Variants in AFF3 observed in about 807,000 individuals in gnomAD.
AFF3 encodes ALF transcription elongation factor 3.
A neutral mutation model predicts 129.7 loss-of-function variants in AFF3; 32 were observed. That is an observed-to-expected ratio of 0.25 (90% CI 0.19 to 0.33). AFF3 has a LOEUF of 0.33. Among genes scored for constraint, AFF3 ranks in the 10% least tolerant of loss-of-function variants. AFF3 has a pLI of 1.00. For synonymous variants in AFF3, 644 were observed against 635.4 expected (o/e 1.01, Z -0.20); for missense variants, 1,373 against 1,592.0 (o/e 0.86, Z 2.34).
chr2:99,775,476 G>A (rs1022809119), intron 8 of AFF3, among the ~76,000 whole-genome samples: 1 of 152,174 alleles, frequency 6.6e-6, no homozygotes, highest in African/African-American at 2.4e-5. Context: ...AATACTGCAT[G>A]TTCTCACTTA....
intron 7 of AFF3, among the ~76,000 whole-genome samples, chr2:99,884,186 T>C (rs367935941): frequency 4.4e-4 from 67 of 152,362 alleles, no homozygotes; most frequent in African/African-American, 1.5e-3. Flanking sequence ...TTTTTGATTA[T>C]TTATTTTTAA....
intron 13 of AFF3, among the ~76,000 whole-genome samples, chr2:99,604,022 T>C (rs1339591974): frequency 1.3e-5 from 2 of 152,112 alleles, no homozygotes; most frequent in African/African-American, 2.4e-5. Flanking sequence ...TATACACTGG[T>C]AGAAGTGTAA....
chr2:99,764,422 G>A (rs554144241), intron 8 of AFF3, among the ~76,000 whole-genome samples: 8 of 152,016 alleles, frequency 5.3e-5, no homozygotes, highest in Non-Finnish European at 1.2e-4. Context: ...TCTTGTTCTC[G>A]TTTTGCATTT....
intron 7 of AFF3, among the ~76,000 whole-genome samples, chr2:99,912,399 C>G (rs1327978189): frequency 6.6e-6 from 1 of 152,176 alleles, no homozygotes. Flanking sequence ...ATATGTGCTT[C>G]CAAATACCGC....
Position 99,917,449 on chromosome 2 carries a change from A to G in AFF3, c.874-79925T>C, listed in dbSNP as rs148669388. 4.7e-3 allele frequency among the ~76,000 whole-genome samples: 719 copies of G among 152,284 alleles called. 4 individuals carry two copies. Among genetic ancestry groups the G allele is most frequent in the African/African-American group, 0.017 (696 of 41,558 alleles). ...ACTCTGCATACTCACACTAACACTT[A>G]TAACAGGGAATGTGGATTCTACCCC... On this transcript the variant is annotated intron_variant, in intron 7 of 24. Coordinates refer to ENST00000672756, the MANE Select transcript of AFF3 (RefSeq NM_001386135.1).
chr2:99,752,797 C>T (rs944513748), intron 8 of AFF3, among the ~76,000 whole-genome samples: 7 of 152,076 alleles, frequency 4.6e-5, no homozygotes, highest in Non-Finnish European at 8.8e-5. Context: ...ATGTCATTCA[C>T]GGAGAGTGAA....
intron 7 of AFF3, among the ~76,000 whole-genome samples, chr2:99,943,915 A>ATT (rs113352017): frequency 3.4e-5 from 5 of 147,544 alleles, no homozygotes; most frequent in African/African-American, 9.9e-5. Context: ...CTGTATTCCA[A>ATT]TTTTTTTTTT....
rs776541486 is a variant in AFF3, at chr2:100,105,582, A to G, written c.-143T>C. On this transcript the variant is annotated splice_region_variant and 5_prime_UTR_variant, in exon 3 of 25. Coordinates refer to ENST00000672756, the MANE Select transcript of AFF3 (RefSeq NM_001386135.1). ...CTCCGGTCTGGAAAGGCAGGTGATC[A>G]GCTAGAAGGGTGATAAGAGTATCAT... 7 of 1,333,394 alleles carry G rather than the reference A, an allele frequency of 5.2e-6. No individual in the cohort carries two copies. In the South Asian group the frequency reaches 7.4e-5, roughly 14 times the overall value. The allele number at this position is 1,333,394 out of a possible 1,614,324, so 82.6% of individuals were successfully genotyped here.
chr2:99,829,715 A>G (rs1688373661), intron 8 of AFF3, among the ~76,000 whole-genome samples: 1 of 152,194 alleles, frequency 6.6e-6, no homozygotes, highest in Admixed American at 6.5e-5. Context: ...TGTGGAAGAC[A>G]TTGTGGCGAT....
chr2:99,767,539 AC>A (rs779572791), intron 8 of AFF3, among the ~76,000 whole-genome samples: 3 of 152,226 alleles, frequency 2.0e-5, no homozygotes, highest in Non-Finnish European at 4.4e-5. Flanking sequence ...TAGACAGTAA[AC>A]ATGTATATGA....
At chr2:99,873,987 A>G (rs1400550203) in intron 7 of AFF3, among the ~76,000 whole-genome samples, 2 of 151,994 alleles carry the variant, frequency 1.3e-5, no homozygotes, top group Non-Finnish European at 2.9e-5. Flanking sequence ...ATCCTGGATA[A>G]CAAGGTGAAA....
At chr2:99,865,622 AAACTTAG>A (rs1175283134) in intron 7 of AFF3, among the ~76,000 whole-genome samples, 2 of 152,232 alleles carry the variant, frequency 1.3e-5, no homozygotes, top group Non-Finnish European at 2.9e-5. Flanking sequence ...TGTGTGTCTA[AAACTTAG>A]AAGTTATAGT....
chr2:99,653,879 C>CTTTTTTT (rs1460963714), intron 12 of AFF3, among the ~76,000 whole-genome samples: 1 of 31,786 alleles, frequency 3.1e-5, no homozygotes. Context: ...TGCTTTTTTT[C>CTTTTTTT]TTTTTTTTTT....
At chr2:99,742,310 C>T (rs563615115) in intron 10 of AFF3, among the ~76,000 whole-genome samples, 10 of 152,120 alleles carry the variant, frequency 6.6e-5, no homozygotes, top group South Asian at 2.1e-4. Flanking sequence ...TGTCACTGTA[C>T]TCTAGCCTGG....
chr2:99,582,668 A>G, intron 17 of AFF3, 130 bp downstream of exon 17: 1 of 949,408 alleles, frequency 1.1e-6, no homozygotes, highest in Non-Finnish European at 1.6e-6. Context: ...GTCTTCCTAG[A>G]AGCGGGAGGC....
At chr2:99,846,054 G>A (rs1049359993) in intron 7 of AFF3, among the ~76,000 whole-genome samples, 5 of 151,906 alleles carry the variant, frequency 3.3e-5, no homozygotes, top group South Asian at 2.1e-4. Flanking sequence ...GGATGGTCTC[G>A]ATCTCCTGAC....
intron 13 of AFF3, among the ~76,000 whole-genome samples, chr2:99,625,896 A>T (rs1190518238): frequency 6.6e-6 from 1 of 152,238 alleles, no homozygotes; most frequent in East Asian, 1.9e-4. Context: ...TTTCCAGTGA[A>T]ATAAAACCTG....
intron 2 of AFF3, among the ~76,000 whole-genome samples, chr2:100,120,350 G>A (rs1472449430): frequency 4.6e-5 from 7 of 152,150 alleles, no homozygotes; most frequent in African/African-American, 7.2e-5. Flanking sequence ...TTGCATTTGA[G>A]TATCTTTTAT....
At chr2:100,110,638 T>C (rs1194832323) in intron 2 of AFF3, among the ~76,000 whole-genome samples, 2 of 152,222 alleles carry the variant, frequency 1.3e-5, no homozygotes, top group Non-Finnish European at 2.9e-5. Flanking sequence ...GTCCTTCAGG[T>C]ACAGGCATCT....
Sources: allele counts gnomAD v4.1 joint callset (sites outside exome capture counted in the v4.1 genomes callset), GRCh38; gene constraint gnomAD v4.1.1; transcripts MANE v1.5; gene names NCBI Gene and HGNC (gene_info 2026-07-23, HGNC 2026-07-21).